MACROD2: variants seen among roughly 807,000 people sequenced by gnomAD.
MACROD2 encodes ADP-ribose glycohydrolase MACROD2.
A neutral mutation model predicts 70.4 loss-of-function variants in MACROD2; 36 were observed. The ratio of observed to expected loss-of-function variants is 0.51; its 90% CI spans 0.39 to 0.68. The LOEUF (loss-of-function observed/expected upper bound fraction) is 0.68. Among genes scored for constraint, MACROD2 ranks in the 30% least tolerant of loss-of-function variants. The pLI is 0.00. For synonymous variants in MACROD2, 172 were observed against 178.8 expected, an observed-to-expected ratio of 0.96 and a Z score of 0.30; for missense variants, 496 against 538.4, an observed-to-expected ratio of 0.92 and a Z score of 0.78.
intron 8 of MACROD2, among the ~76,000 whole-genome samples, chr20:15,835,583 G>A (rs907490585): frequency 6.6e-6 from 1 of 151,928 alleles, no homozygotes; most frequent in Non-Finnish European, 1.5e-5. Flanking sequence ...ATGTTTGGAT[G>A]ACAATACTAA....
intron 5 of MACROD2, among the ~76,000 whole-genome samples, chr20:15,134,003 G>C (rs1169649776): frequency 6.7e-6 from 1 of 148,640 alleles, no homozygotes; most frequent in Non-Finnish European, 1.5e-5. Flanking sequence ...TGCCTCCCGG[G>C]TCACGCCATT....
intron 6 of MACROD2, among the ~76,000 whole-genome samples, chr20:15,388,209 G>A (rs1424657879): frequency 6.6e-6 from 1 of 152,010 alleles, no homozygotes; most frequent in Non-Finnish European, 1.5e-5. Context: ...GGAGGTTCCT[G>A]CCATGGTAAA....
At chr20:15,022,451 G>T (rs942231801) in intron 5 of MACROD2, among the ~76,000 whole-genome samples, 3 of 152,096 alleles carry the variant, frequency 2.0e-5, no homozygotes, top group Non-Finnish European at 2.9e-5. Flanking sequence ...AAGTTGGATA[G>T]AACATATTTT....
chr20:14,910,857 A>G (rs1824667087), intron 5 of MACROD2, among the ~76,000 whole-genome samples: 1 of 152,128 alleles, frequency 6.6e-6, no homozygotes, highest in Non-Finnish European at 1.5e-5. Flanking sequence ...TGATGCTGTT[A>G]ATTCCCTAGA....
At chr20:14,609,689 AG>A (rs1983036817) in intron 4 of MACROD2, among the ~76,000 whole-genome samples, 1 of 152,168 alleles carries the variant, frequency 6.6e-6, no homozygotes, top group South Asian at 2.1e-4. Flanking sequence ...GCCAGTTCTC[AG>A]TAAATCATGT....
At chr20:14,389,249 C>T (rs1396472312) in intron 3 of MACROD2, among the ~76,000 whole-genome samples, 2 of 151,418 alleles carry the variant, frequency 1.3e-5, no homozygotes, top group Non-Finnish European at 2.9e-5. Context: ...GGCGAAACCT[C>T]GTCTCTACTA....
chr20:14,826,113 A>T (rs1434651126), intron 5 of MACROD2, among the ~76,000 whole-genome samples: 1 of 152,114 alleles, frequency 6.6e-6, no homozygotes, highest in Non-Finnish European at 1.5e-5. Flanking sequence ...AAAACCAGTA[A>T]AACACTGAAC....
intron 5 of MACROD2, chr20:14,892,823 T>C (rs1445635323): frequency 6.6e-6 from 1 of 152,076 alleles, no homozygotes; most frequent in East Asian, 1.9e-4. Context: ...GGACTACAGG[T>C]GTATGCCACC....
chr20:14,575,219 G>C (rs2123330482), intron 4 of MACROD2, among the ~76,000 whole-genome samples: 1 of 151,862 alleles, frequency 6.6e-6, no homozygotes, highest in South Asian at 2.1e-4. Context: ...CATTATATTA[G>C]TATAAATAAC....
intron 15 of MACROD2, among the ~76,000 whole-genome samples, chr20:16,030,054 G>A (rs1366615689): frequency 6.6e-6 from 1 of 152,146 alleles, no homozygotes; most frequent in Non-Finnish European, 1.5e-5. Context: ...GGAAGGCTAA[G>A]AAAGAAAACA....
In MACROD2 at chr20:14,751,312, T is replaced by TC. The variant is rs1311425077; in HGVS notation, c.418+66356dup. ...CTTTTATTCTTGAGTATTCAGTTCC[T>TC]CCCTTTTTTTTTTGATCTTTCTAAC... On this transcript the variant is annotated intron_variant, in intron 5 of 17. Coordinates refer to ENST00000684519, the MANE Select transcript of MACROD2 (RefSeq NM_001351661.2). Among the ~76,000 whole-genome samples the TC allele has an allele frequency of 4.5e-5, 5 of 112,164 alleles. No homozygotes were observed. The East Asian group carries it at 6.0e-4, about 13-fold the overall frequency. 73.6% of individuals were successfully genotyped at this position (112,164 alleles called of 152,430 possible).
intron 8 of MACROD2, among the ~76,000 whole-genome samples, chr20:15,774,870 T>C (rs2051695395): frequency 6.6e-6 from 1 of 152,150 alleles, no homozygotes; most frequent in Non-Finnish European, 1.5e-5. Flanking sequence ...CAAATTTAGA[T>C]TGAATTTGGA....
intron 15 of MACROD2, among the ~76,000 whole-genome samples, chr20:16,039,664 T>G (rs1373637591): frequency 1.3e-5 from 2 of 151,998 alleles, no homozygotes; most frequent in African/African-American, 4.8e-5. Context: ...AATGGTTTCT[T>G]CTGTAATTGT....
At chr20:14,278,957 A>G (rs946340435) in intron 3 of MACROD2, among the ~76,000 whole-genome samples, 2 of 152,234 alleles carry the variant, frequency 1.3e-5, no homozygotes, top group African/African-American at 2.4e-5. Flanking sequence ...ACTATAATAC[A>G]GAGTTTTTGT....
intron 5 of MACROD2, among the ~76,000 whole-genome samples, chr20:15,054,318 G>C (rs549781439): frequency 6.6e-6 from 1 of 152,234 alleles, no homozygotes; most frequent in South Asian, 2.1e-4. Context: ...GAAAGAGTCA[G>C]TTAATTGGCT....
chr20:14,784,211 G>A (rs2072336169), intron 5 of MACROD2, among the ~76,000 whole-genome samples: 1 of 152,018 alleles, frequency 6.6e-6, no homozygotes, highest in Non-Finnish European at 1.5e-5. Context: ...TGCTAGCTCT[G>A]GGGACTCCCT....
intron 5 of MACROD2, chr20:14,850,137 C>A (rs62202765): frequency 3.0e-4 from 107 of 352,884 alleles, no homozygotes; most frequent in Non-Finnish European, 5.5e-4. Context: ...CTTTGGGGGT[C>A]ATCTAGGACA....
chr20:15,940,316 G>A (rs1051767863), intron 12 of MACROD2, among the ~76,000 whole-genome samples: 5 of 150,962 alleles, frequency 3.3e-5, no homozygotes, highest in Non-Finnish European at 4.4e-5. Flanking sequence ...GGCTGGTTGC[G>A]AAATCCTGAC....
chr20:14,885,796 A>T (rs1206540389), intron 5 of MACROD2, among the ~76,000 whole-genome samples: 1 of 152,112 alleles, frequency 6.6e-6, no homozygotes. Flanking sequence ...CTTTGCTGGG[A>T]TAATTCAGTC....
Sources: allele counts gnomAD v4.1 joint callset (sites outside exome capture counted in the v4.1 genomes callset), GRCh38; gene constraint gnomAD v4.1.1; transcripts MANE v1.5; gene names NCBI Gene and HGNC (gene_info 2026-07-23, HGNC 2026-07-21).